CYP19A1: variants seen among roughly 807,000 people sequenced by gnomAD.
CYP19A1 encodes cytochrome P450 family 19 subfamily A member 1.
A neutral mutation model predicts 44.4 loss-of-function variants in CYP19A1; 32 were observed. The observed-to-expected ratio is 0.72, with a 90% confidence interval of 0.54 to 0.97. The LOEUF (loss-of-function observed/expected upper bound fraction) is 0.97. Ranked by LOEUF, CYP19A1 falls within the 50% of genes least tolerant of loss-of-function variation. The pLI, the probability that CYP19A1 is intolerant of heterozygous loss-of-function variation, is 0.00. For missense variants in CYP19A1, 598 were observed against 637.8 expected (o/e 0.94, Z 0.67); for synonymous variants, 212 against 215.6 (o/e 0.98, Z 0.14).
At chr15:51,270,491 G>A (rs576500074) in intron 1 of CYP19A1, among the ~76,000 whole-genome samples, 52 of 152,228 alleles carry the variant, frequency 3.4e-4, no homozygotes, top group African/African-American at 1.2e-3. Flanking sequence ...TCTAGAAGTT[G>A]CTGAAGAAAT....
chr15:51,269,216 A>C (rs969860464), intron 1 of CYP19A1, among the ~76,000 whole-genome samples: 1 of 152,088 alleles, frequency 6.6e-6, no homozygotes, highest in Non-Finnish European at 1.5e-5. Flanking sequence ...GTAAGGGTTA[A>C]TAGGGTTATT....
At chr15:51,246,490 A>G (rs1224689242) in intron 1 of CYP19A1, among the ~76,000 whole-genome samples, 3 of 152,166 alleles carry the variant, frequency 2.0e-5, no homozygotes, top group African/African-American at 7.2e-5. Flanking sequence ...CGTGGAGCCT[A>G]CTAACAACTT....
At chr15:51,304,818 C>T (rs996924550) in intron 1 of CYP19A1, among the ~76,000 whole-genome samples, 1 of 149,460 alleles carries the variant, frequency 6.7e-6, no homozygotes, top group East Asian at 2.0e-4. Flanking sequence ...AGAAACCCTA[C>T]AAGGTGAGCT....
chr15:51,321,315 C>G (rs1200572009), intron 1 of CYP19A1, among the ~76,000 whole-genome samples: 1 of 152,194 alleles, frequency 6.6e-6, no homozygotes, highest in Non-Finnish European at 1.5e-5. Flanking sequence ...CTAGATCCCC[C>G]ATGACTGCCT....
intron 3 of CYP19A1, among the ~76,000 whole-genome samples, chr15:51,233,815 C>T (rs535649797): frequency 5.3e-5 from 8 of 152,094 alleles, no homozygotes; most frequent in Non-Finnish European, 7.3e-5. Flanking sequence ...TAGTGTCATA[C>T]GCAGCACCTA....
At chr15:51,278,269 G>A (rs1595749974) in intron 1 of CYP19A1, 1 of 152,138 alleles carries the variant, frequency 6.6e-6, no homozygotes, top group East Asian at 1.9e-4. Context: ...TTTTGTAATA[G>A]ATCGTAGCGT....
At chr15:51,230,876 C>T (rs1269218194) in intron 3 of CYP19A1, among the ~76,000 whole-genome samples, 1 of 152,186 alleles carries the variant, frequency 6.6e-6, no homozygotes, top group Admixed American at 6.5e-5. Flanking sequence ...CCCACTTTCA[C>T]CTCCCAAAGT....
intron 8 of CYP19A1, among the ~76,000 whole-genome samples, chr15:51,213,117 A>G (rs1303462561): frequency 1.3e-5 from 2 of 152,178 alleles, no homozygotes; most frequent in Non-Finnish European, 2.9e-5. Context: ...ATCTATTTCA[A>G]TGAAATTTTC....
intron 1 of CYP19A1, 179 bp from the exon 2 acceptor site, chr15:51,243,129 C>G (rs2033876975): frequency 1.8e-6 from 1 of 562,486 alleles, no homozygotes; most frequent in South Asian, 1.9e-5. Flanking sequence ...CAAGAAAGAT[C>G]TTTTGGCTTG....
At chr15:51,264,592 C>T (rs1169915688) in intron 1 of CYP19A1, among the ~76,000 whole-genome samples, 1 of 152,060 alleles carries the variant, frequency 6.6e-6, no homozygotes, top group Non-Finnish European at 1.5e-5. Context: ...ATTGAAAACG[C>T]AGGGCAGAAG....
At chr15:51,325,622 G>A (rs777604946) in intron 1 of CYP19A1, among the ~76,000 whole-genome samples, 16 of 152,008 alleles carry the variant, frequency 1.1e-4, no homozygotes, top group African/African-American at 1.9e-4. Flanking sequence ...GGCGGATCAC[G>A]AGGTCAGTAG....
At chr15:51,285,405 T>A (rs1389935574) in intron 1 of CYP19A1, among the ~76,000 whole-genome samples, 2 of 152,192 alleles carry the variant, frequency 1.3e-5, no homozygotes, top group African/African-American at 4.8e-5. Context: ...GCTCAATTAA[T>A]TTAAAAACAA....
chr15:51,227,895 TA>T lies in CYP19A1; in HGVS notation c.334del (p.Tyr112ThrfsTer38). 1 of 1,593,934 alleles carries T rather than the reference TA, an allele frequency of 6.3e-7. No homozygotes were observed. The highest frequency in any genetic ancestry group is 1.3e-5 in the African/African-American group (1 of 74,590). The part of the protein sequence containing the change: ...SMFHIMKHNH[Y>X]SSRFGSKLGL... The stretch of plus-strand genomic sequence containing the variant: ...AAGTTTGCTGCCGAATCGAGAGCTG[TA>T]ATGATTGTGCTTCATTATGTGGAAC... On this transcript the variant is annotated frameshift_variant, in exon 4 of 10. Transcript: ENST00000396402. LOFTEE classifies it high-confidence loss of function.
intron 2 of CYP19A1, 41 bp from the exon 3 acceptor site, chr15:51,237,050 C>T (rs2033444975): frequency 2.5e-6 from 4 of 1,611,972 alleles, no homozygotes; most frequent in Non-Finnish European, 3.4e-6. Context: ...CTTAGTTACA[C>T]CAAAAATTGC....
chr15:51,328,647 C>G (rs1393510074), intron 1 of CYP19A1, among the ~76,000 whole-genome samples: 1 of 152,016 alleles, frequency 6.6e-6, no homozygotes, highest in Non-Finnish European at 1.5e-5. Flanking sequence ...TCTGATCCCC[C>G]TATTGCTCCC....
intron 1 of CYP19A1, chr15:51,243,214 G>T: frequency 5.2e-6 from 2 of 382,644 alleles, no homozygotes; most frequent in Admixed American, 3.7e-5. Flanking sequence ...TTATCATCTT[G>T]CCCTTGAGTG....
chr15:51,223,865 GT>G (rs2032347873), intron 4 of CYP19A1, among the ~76,000 whole-genome samples: 1 of 152,162 alleles, frequency 6.6e-6, no homozygotes, highest in Non-Finnish European at 1.5e-5. Context: ...AACCCTTTGT[GT>G]GGAAGGGTTG....
At chr15:51,212,025 A>T (rs1184340120) in intron 9 of CYP19A1, among the ~76,000 whole-genome samples, 1 of 152,176 alleles carries the variant, frequency 6.6e-6, no homozygotes, top group Non-Finnish European at 1.5e-5. Flanking sequence ...GGTTGGGTTA[A>T]ACAAAAATCA....
At chr15:51,252,226 G>A (rs751334073) in intron 1 of CYP19A1, among the ~76,000 whole-genome samples, 16 of 152,100 alleles carry the variant, frequency 1.1e-4, no homozygotes, top group Non-Finnish European at 1.8e-4. Context: ...TCCAGTGAAC[G>A]TGGTGGAATC....
Sources: allele counts gnomAD v4.1 joint callset (sites outside exome capture counted in the v4.1 genomes callset), GRCh38; gene constraint gnomAD v4.1.1; transcripts MANE v1.5; gene names NCBI Gene and HGNC (gene_info 2026-07-23, HGNC 2026-07-21).